Variants in NUDT3 observed in about 807,000 individuals in gnomAD.
NUDT3 encodes the protein diphosphoinositol polyphosphate phosphohydrolase 1.
Under a neutral mutation model 23.6 loss-of-function variants are expected in NUDT3, and 9 were observed. The ratio of observed to expected loss-of-function variants is 0.38; its 90% CI spans 0.23 to 0.66. The LOEUF is 0.66. NUDT3 is among the 30% of genes least tolerant of loss of function. The pLI, the probability that NUDT3 is intolerant of heterozygous loss-of-function variation, is 0.52. For missense variants in NUDT3, 172 were observed against 218.5 expected (o/e 0.79, Z 1.34); for synonymous variants, 86 against 82.6 (o/e 1.04, Z -0.22).
intron 1 of NUDT3, among the ~76,000 whole-genome samples, chr6:34,364,560 T>C (rs992755854): frequency 6.6e-6 from 1 of 152,174 alleles, no homozygotes; most frequent in African/African-American, 2.4e-5. Context: ...CGGGAAGTCA[T>C]ACATAAATCC....
intron 1 of NUDT3, among the ~76,000 whole-genome samples, chr6:34,352,495 C>A (rs1332046841): frequency 4.6e-5 from 7 of 152,158 alleles, no homozygotes; most frequent in African/African-American, 1.7e-4. Flanking sequence ...ATAAACAAAG[C>A]CACAGCAACA....
chr6:34,320,605 T>G (rs1341243968), intron 2 of NUDT3, among the ~76,000 whole-genome samples: 1 of 151,948 alleles, frequency 6.6e-6, no homozygotes, highest in African/African-American at 2.4e-5. Flanking sequence ...GAGGCCAAAG[T>G]GGGTGGATTT....
intron 1 of NUDT3, among the ~76,000 whole-genome samples, chr6:34,384,820 T>TC (rs1002541426): frequency 6.6e-6 from 1 of 150,546 alleles, no homozygotes; most frequent in Non-Finnish European, 1.5e-5. Flanking sequence ...TCGCTTGAGC[T>TC]CAGGAGTTCA....
Position 34,359,348 on chromosome 6 carries a change from G to A in NUDT3, c.100-17376C>T, listed in dbSNP as rs144808841. On this transcript the variant is annotated intron_variant, in intron 1 of 4. Transcript: ENST00000607016. ...AGATCGTGCTACTGCACTCCAGCCT[G>A]GGGGACAAGAGCAAGACTGCCTAAA... 3.2e-3 allele frequency among the ~76,000 whole-genome samples: 489 copies of A among 152,234 alleles called. 2 individuals carry two copies. Among genetic ancestry groups the A allele is most frequent in the African/African-American group, 7.0e-3 (291 of 41,544 alleles).
rs576125689 is a variant in NUDT3, at chr6:34,346,343, G to A, written c.100-4371C>T. On this transcript the variant is annotated intron_variant, in intron 1 of 4. Transcript: ENST00000607016. ...TGACTTGTTGTATAAATAACAACACGTAGTCTTTCTTCCCTTACTTCCCGG... is the reference window on the plus strand; with the variant it reads ...TGACTTGTTGTATAAATAACAACACATAGTCTTTCTTCCCTTACTTCCCGG... Among the ~76,000 whole-genome samples, 36 of 152,252 alleles carry A rather than the reference G, an allele frequency of 2.4e-4. No homozygotes were observed. The South Asian group carries it at 3.5e-3, about 15-fold the overall frequency.
intron 1 of NUDT3, among the ~76,000 whole-genome samples, chr6:34,387,544 G>C (rs924400535): frequency 8.6e-5 from 13 of 151,666 alleles, no homozygotes; most frequent in African/African-American, 2.9e-4. Flanking sequence ...ATATAATGAA[G>C]AAAACATTAG....
At chr6:34,303,813 TAA>T (rs1310238106) in intron 2 of NUDT3, among the ~76,000 whole-genome samples, 2 of 152,178 alleles carry the variant, frequency 1.3e-5, no homozygotes, top group Admixed American at 6.5e-5. Flanking sequence ...TTTTTGTAAA[TAA>T]AGTTTTACTG....
At chr6:34,373,377 A>C (rs567193774) in intron 1 of NUDT3, among the ~76,000 whole-genome samples, 2 of 152,290 alleles carry the variant, frequency 1.3e-5, no homozygotes, top group South Asian at 4.1e-4. Context: ...ATGATTAAAG[A>C]GAATAATTTC....
chr6:34,379,295 C>G (rs1764974599), intron 1 of NUDT3, among the ~76,000 whole-genome samples: 1 of 152,160 alleles, frequency 6.6e-6, no homozygotes, highest in African/African-American at 2.4e-5. Context: ...TACAGTGGCT[C>G]ACACCTGTAA....
At chr6:34,324,349 C>T (rs1167293777) in intron 2 of NUDT3, among the ~76,000 whole-genome samples, 8 of 146,830 alleles carry the variant, frequency 5.4e-5, no homozygotes, top group Admixed American at 4.7e-4. Context: ...AGCAAGACTA[C>T]GCTTCCAAAA....
intron 2 of NUDT3, among the ~76,000 whole-genome samples, chr6:34,309,849 G>C (rs148152499): frequency 5.3e-5 from 8 of 152,206 alleles, no homozygotes; most frequent in Admixed American, 1.3e-4. Context: ...TACATGAAAT[G>C]ACCAATTCCT....
intron 1 of NUDT3, among the ~76,000 whole-genome samples, chr6:34,349,170 T>C (rs1175377958): frequency 6.6e-6 from 1 of 152,074 alleles, no homozygotes; most frequent in East Asian, 1.9e-4. Flanking sequence ...AAAACCCAAT[T>C]TGAGTTTTAG....
chr6:34,392,147 A>T, intron 1 of NUDT3, 117 bp downstream of exon 1: 1 of 693,194 alleles, frequency 1.4e-6, no homozygotes, highest in South Asian at 1.9e-5. Flanking sequence ...TCGGAACTTC[A>T]TTCCGCCCGA....
intron 1 of NUDT3, among the ~76,000 whole-genome samples, chr6:34,343,705 A>G (rs1473264526): frequency 6.6e-6 from 1 of 152,232 alleles, no homozygotes; most frequent in African/African-American, 2.4e-5. Flanking sequence ...ATTCTTAGAT[A>G]TGAAGCATGA....
At chr6:34,315,174 G>A (rs906832590) in intron 2 of NUDT3, among the ~76,000 whole-genome samples, 5 of 152,132 alleles carry the variant, frequency 3.3e-5, no homozygotes, top group African/African-American at 9.7e-5. Flanking sequence ...AAAGGGAGTG[G>A]GGGGAACAAA....
intron 3 of NUDT3, among the ~76,000 whole-genome samples, chr6:34,293,868 G>A (rs1253129192): frequency 6.6e-6 from 1 of 152,112 alleles, no homozygotes; most frequent in African/African-American, 2.4e-5. Flanking sequence ...CTGTGGATGG[G>A]TGGGCTACCA....
At chr6:34,374,624 T>C (rs967703899) in intron 1 of NUDT3, among the ~76,000 whole-genome samples, 1 of 152,200 alleles carries the variant, frequency 6.6e-6, no homozygotes, top group Non-Finnish European at 1.5e-5. Flanking sequence ...TTTCGCACTG[T>C]GTCTGACTTC....
chr6:34,303,013 A>G (rs1763623612), intron 2 of NUDT3, among the ~76,000 whole-genome samples: 1 of 152,118 alleles, frequency 6.6e-6, no homozygotes, highest in Non-Finnish European at 1.5e-5. Context: ...TCTTTAACAA[A>G]AACTTCTAAG....
intron 1 of NUDT3, among the ~76,000 whole-genome samples, chr6:34,368,339 C>T (rs1035185723): frequency 6.6e-6 from 1 of 152,152 alleles, no homozygotes; most frequent in Non-Finnish European, 1.5e-5. Context: ...CCTGAGAAGG[C>T]CTATCTCTTT....
Sources: allele counts gnomAD v4.1 joint callset (sites outside exome capture counted in the v4.1 genomes callset), GRCh38; gene constraint gnomAD v4.1.1; transcripts MANE v1.5; gene names NCBI Gene and HGNC (gene_info 2026-07-23, HGNC 2026-07-21).